ADAMTS17: variants seen among roughly 807,000 people sequenced by gnomAD.
ADAMTS17 encodes ADAM metallopeptidase with thrombospondin type 1 motif 17.
In ADAMTS17, 113 loss-of-function variants were observed where a neutral mutation model predicts 141.5. The ratio of observed to expected loss-of-function variants is 0.80; its 90% CI spans 0.69 to 0.93. The LOEUF (loss-of-function observed/expected upper bound fraction) is 0.93, where lower values mean the gene tolerates loss of function less well. Among genes scored for constraint, ADAMTS17 ranks in the 40% least tolerant of loss-of-function variants. ADAMTS17 has a pLI of 0.00. For synonymous variants in ADAMTS17, 768 were observed against 630.6 expected (o/e 1.22, Z -3.27); for missense variants, 1,659 against 1,517.9 (o/e 1.09, Z -1.54).
chr15:100,176,225 T>C (rs982764583), intron 8 of ADAMTS17, among the ~76,000 whole-genome samples: 8 of 152,210 alleles, frequency 5.3e-5, no homozygotes, highest in African/African-American at 1.4e-4. Flanking sequence ...GATGAATGCA[T>C]GGTGCTTCAA....
chr15:100,018,068 C>T (rs1242550256), intron 18 of ADAMTS17, among the ~76,000 whole-genome samples: 1 of 152,190 alleles, frequency 6.6e-6, no homozygotes, highest in Non-Finnish European at 1.5e-5. Context: ...CAATAACTCC[C>T]TATTTCCTGC....
At chr15:100,299,527 A>G (rs529012224) in intron 3 of ADAMTS17, among the ~76,000 whole-genome samples, 1 of 150,742 alleles carries the variant, frequency 6.6e-6, no homozygotes, top group African/African-American at 2.4e-5. Context: ...AAAAAAAAAA[A>G]AGAACATTCC....
chr15:100,141,284 G>A (rs2038637266), intron 10 of ADAMTS17, among the ~76,000 whole-genome samples: 2 of 152,154 alleles, frequency 1.3e-5, no homozygotes, highest in Non-Finnish European at 2.9e-5. Context: ...TCACGTACAC[G>A]AGCCTTCGCC....
chr15:100,036,984 G>A (rs2030784721), intron 18 of ADAMTS17, among the ~76,000 whole-genome samples: 1 of 152,134 alleles, frequency 6.6e-6, no homozygotes, highest in Non-Finnish European at 1.5e-5. Flanking sequence ...CATGTGCCAT[G>A]TTTCTACCTG....
chr15:100,340,908 G>C (rs888583525), intron 2 of ADAMTS17, 131 bp downstream of exon 2: 15 of 1,386,548 alleles, frequency 1.1e-5, no homozygotes, highest in Admixed American at 4.1e-5. Context: ...GAGGTGGAAA[G>C]GCAGGGGGTT....
intron 6 of ADAMTS17, among the ~76,000 whole-genome samples, chr15:100,257,500 C>T (rs1474580221): frequency 3.9e-5 from 6 of 152,250 alleles, no homozygotes; most frequent in Admixed American, 1.3e-4. Context: ...AGCTTCAAGG[C>T]GTCAGCCCAA....
chr15:99,994,984 A>G (rs760429704), intron 19 of ADAMTS17, among the ~76,000 whole-genome samples: 19 of 152,366 alleles, frequency 1.2e-4, no homozygotes, highest in Non-Finnish European at 2.2e-4. Context: ...TGTCCCCTGC[A>G]GGGAGTGGGG....
At chr15:100,270,926 A>G (rs1218200924) in intron 4 of ADAMTS17, among the ~76,000 whole-genome samples, 1 of 151,362 alleles carries the variant, frequency 6.6e-6, no homozygotes, top group Non-Finnish European at 1.5e-5. Context: ...CCTCCCTCTC[A>G]GCCATCTGGC....
At chr15:100,212,957 G>A (rs1452892177) in intron 7 of ADAMTS17, among the ~76,000 whole-genome samples, 1 of 151,998 alleles carries the variant, frequency 6.6e-6, no homozygotes, top group South Asian at 2.1e-4. Context: ...CCTGAGTTAA[G>A]CATCCAATTT....
intron 7 of ADAMTS17, among the ~76,000 whole-genome samples, chr15:100,204,237 G>A (rs2141667834): frequency 6.6e-6 from 1 of 152,350 alleles, no homozygotes; most frequent in African/African-American, 2.4e-5. Flanking sequence ...GATGCAGTAA[G>A]TTGTTGCATA....
chr15:100,176,537 C>T (rs2040345162), intron 8 of ADAMTS17, among the ~76,000 whole-genome samples: 1 of 152,182 alleles, frequency 6.6e-6, no homozygotes, highest in African/African-American at 2.4e-5. Context: ...GCACCCTTCC[C>T]CCAGCCTCCC....
At chr15:100,317,636 T>C (rs1322786534) in intron 3 of ADAMTS17, among the ~76,000 whole-genome samples, 2 of 151,958 alleles carry the variant, frequency 1.3e-5, no homozygotes, top group African/African-American at 2.4e-5. Flanking sequence ...AGGGAACAAA[T>C]GTTGAGCATT....
intron 10 of ADAMTS17, among the ~76,000 whole-genome samples, chr15:100,147,965 C>G (rs2038987667): frequency 6.6e-6 from 1 of 152,276 alleles, no homozygotes; most frequent in South Asian, 2.1e-4. Context: ...TCCAGCTTCT[C>G]ATGGCTGTTG....
chr15:100,092,114 T>C (rs1295103583), intron 15 of ADAMTS17, among the ~76,000 whole-genome samples: 1 of 152,346 alleles, frequency 6.6e-6, no homozygotes, highest in Non-Finnish European at 1.5e-5. Flanking sequence ...TTCTCTGGCA[T>C]GTCTAGGTAT....
chr15:100,130,779 A>G (rs779934176), intron 12 of ADAMTS17, among the ~76,000 whole-genome samples: 10 of 152,234 alleles, frequency 6.6e-5, no homozygotes, highest in African/African-American at 1.9e-4. Flanking sequence ...ATGTGCTGCA[A>G]CTGCTGACAC....
chr15:100,048,992 C>T lies in ADAMTS17; in HGVS notation c.2456G>A (p.Gly819Glu). 2 of 1,614,170 alleles carry T rather than the reference C, an allele frequency of 1.2e-6. No individual in the cohort carries two copies. Among genetic ancestry groups the T allele is most frequent in the Non-Finnish European group, 1.7e-6 (2 of 1,180,028 alleles). The change falls in exon 18 of 22, where the codon GGG (glycine) becomes GAG (glutamate). Residue 819 changes from glycine to glutamate, a missense_variant and splice_region_variant. Physicochemically the swap from Gly to Glu is moderately conservative, Grantham distance 98. Coordinates refer to ENST00000268070, the MANE Select transcript of ADAMTS17 (RefSeq NM_139057.4). ...WEGCSVQCGGGERRTIVSCTR... is the reference protein window; with the variant it reads ...WEGCSVQCGGEERRTIVSCTR... ...ACACGAGACGATGGTTCTGCGCTCC[C>T]CTGGAAACCAAACCACAGGGAGCTG...
intron 7 of ADAMTS17, among the ~76,000 whole-genome samples, chr15:100,215,456 A>G (rs2041941576): frequency 6.6e-6 from 1 of 152,104 alleles, no homozygotes; most frequent in African/African-American, 2.4e-5. Flanking sequence ...TTTCAGTATG[A>G]CCGATTCTCC....
At chr15:99,999,222 G>T (rs899092969) in intron 18 of ADAMTS17, among the ~76,000 whole-genome samples, 1 of 152,180 alleles carries the variant, frequency 6.6e-6, no homozygotes, top group Non-Finnish European at 1.5e-5. Flanking sequence ...TCTGAGGGGG[G>T]CAGACCATAT....
At chr15:100,307,719 T>G (rs183017293) in intron 3 of ADAMTS17, among the ~76,000 whole-genome samples, 1 of 152,198 alleles carries the variant, frequency 6.6e-6, no homozygotes, top group Admixed American at 6.5e-5. Flanking sequence ...AGATAGCCGA[T>G]GTCACGTGCC....
Sources: gnomAD v4.1 joint callset for allele counts (sites outside exome capture counted in the v4.1 genomes callset) on GRCh38, gnomAD v4.1.1 for gene constraint, MANE v1.5 for transcripts, NCBI Gene and HGNC (gene_info 2026-07-23, HGNC 2026-07-21) for gene names.